CDK6: variants seen among roughly 807,000 people sequenced by gnomAD.
CDK6 encodes the protein cyclin-dependent kinase 6.
In CDK6, 6 loss-of-function variants were observed where a neutral mutation model predicts 37.1. That is an observed-to-expected ratio of 0.16 (90% CI 0.09 to 0.32). The LOEUF (loss-of-function observed/expected upper bound fraction) is 0.32. CDK6 is among the 10% of genes least tolerant of loss of function. The probability of loss-of-function intolerance (pLI) is 1.00; values close to 1 mark genes in which losing one functional copy is unlikely to be tolerated. For synonymous variants in CDK6, 160 were observed against 161.3 expected, an observed-to-expected ratio of 0.99 and a Z score of 0.06; for missense variants, 224 against 418.9, an observed-to-expected ratio of 0.53 and a Z score of 4.06.
At chr7:92,779,222 A>G (rs1799926231) in intron 2 of CDK6, among the ~76,000 whole-genome samples, 1 of 152,114 alleles carries the variant, frequency 6.6e-6, no homozygotes. Flanking sequence ...ATTAAGACTC[A>G]CTGATGCCAC....
chr7:92,761,117 T>C (rs1350173877), intron 3 of CDK6, among the ~76,000 whole-genome samples: 1 of 152,112 alleles, frequency 6.6e-6, no homozygotes, highest in Non-Finnish European at 1.5e-5. Context: ...TATTTTATCA[T>C]TTGCTTTTTA....
In CDK6 at chr7:92,649,270, C is replaced by T. The variant is rs1476376748; in HGVS notation, c.647+22156G>A. Among the ~76,000 whole-genome samples the T allele has an allele frequency of 4.6e-5, 7 of 152,248 alleles. No individual in the cohort carries two copies. In the East Asian group the frequency reaches 9.6e-4, roughly 21 times the overall value. Reference sequence around the variant, plus strand: ...CCATGAAACAGCAGATTGAGAAATGCGTTTGTCAATTGTTAAAAAATGAAG... The same window carrying T: ...CCATGAAACAGCAGATTGAGAAATGTGTTTGTCAATTGTTAAAAAATGAAG... On this transcript the variant is annotated intron_variant, in intron 5 of 7. Coordinates refer to ENST00000424848, the MANE Select transcript of CDK6 (RefSeq NM_001145306.2).
chr7:92,812,865 A>T (rs901562359), intron 2 of CDK6, among the ~76,000 whole-genome samples: 6 of 152,244 alleles, frequency 3.9e-5, no homozygotes, highest in Non-Finnish European at 7.3e-5. Flanking sequence ...CTAAAAACAT[A>T]TATAAAGTTG....
rs1795586082 is a variant in CDK6 at position 92,612,611 on chromosome 7, C to A, written c.*2529G>T. On this transcript the variant is annotated 3_prime_UTR_variant, in exon 8 of 8. Transcript: ENST00000424848. ...TTCTGTGTCATCAGAAGATAATCTG[C>A]CAACGATTGAATGCCAGAATGTTTG... 4.3e-6 allele frequency: 1 copy of A among 232,964 alleles called. No homozygotes were observed. Among genetic ancestry groups the A allele is most frequent in the African/African-American group, 2.2e-5 (1 of 45,332 alleles). 14.4% of individuals were successfully genotyped at this position (232,964 alleles called of 1,614,324 possible).
At position 92,833,603 on chromosome 7, in the gene CDK6, T is replaced by C; in HGVS notation, c.-280A>G. On this transcript the variant is annotated 5_prime_UTR_variant, in exon 2 of 8. Coordinates refer to ENST00000424848, the MANE Select transcript of CDK6 (RefSeq NM_001145306.2). This position sits in a 1 kb window ranked among gnomAD's most constrained non-coding sequence, Gnocchi z 6.1. Reference sequence around the variant, plus strand: ...GCCGCCGGAGGAGCGAGCCGATCCCTCCTCTTCCCTCCTCGAAGCGAAGTC... The same window carrying C: ...GCCGCCGGAGGAGCGAGCCGATCCCCCCTCTTCCCTCCTCGAAGCGAAGTC... 1 of 537,466 alleles carries C rather than the reference T, an allele frequency of 1.9e-6. No individual in the cohort carries two copies. The highest frequency in any genetic ancestry group is 3.2e-6 in the Non-Finnish European group (1 of 310,558). 33.3% of individuals were successfully genotyped at this position (537,466 alleles called of 1,614,324 possible). A position where few individuals can be genotyped will look rare whatever the true frequency, so the allele number is the denominator to read the frequency against.
In CDK6 at chr7:92,798,088, T is replaced by C. The variant is rs866528161; in HGVS notation, c.234-23257A>G. ...GATGACTTGACTTTTCAAGTGAATT[T>C]TGTCAACACTGTTAGAGAATTTTGT... On this transcript the variant is annotated intron_variant, in intron 2 of 7. Transcript: ENST00000424848. 3.9e-5 allele frequency among the ~76,000 whole-genome samples: 6 copies of C among 152,356 alleles called. No individual in the cohort carries two copies. The South Asian group carries it at 8.3e-4, about 21-fold the overall frequency.
At chr7:92,691,533 A>T (rs1302336873) in intron 4 of CDK6, among the ~76,000 whole-genome samples, 4 of 152,226 alleles carry the variant, frequency 2.6e-5, no homozygotes, top group African/African-American at 9.6e-5. Context: ...AGGAATATAA[A>T]ATATTTCTTA....
intron 3 of CDK6, among the ~76,000 whole-genome samples, chr7:92,739,767 A>AT (rs1798874412): frequency 6.6e-6 from 1 of 151,764 alleles, no homozygotes; most frequent in African/African-American, 2.4e-5. Context: ...TTATTTATTT[A>AT]TTTTTTTGAG....
rs978098876 is a variant in CDK6, at chr7:92,784,625, T to C, written c.234-9794A>G. Among the ~76,000 whole-genome samples the C allele has an allele frequency of 5.9e-5, 9 of 152,238 alleles. No individual in the cohort carries two copies. The South Asian group carries it at 1.5e-3, about 25-fold the overall frequency. The stretch of plus-strand genomic sequence containing the variant: ...TGAGAGACCCCAAAACCTGTGGCTT[T>C]TGGTGAGAGGATGGGGTGAGGGGAA... On this transcript the variant is annotated intron_variant, in intron 2 of 7. Coordinates refer to ENST00000424848, the MANE Select transcript of CDK6 (RefSeq NM_001145306.2).
chr7:92,666,850 T>C (rs1796967109), intron 5 of CDK6, among the ~76,000 whole-genome samples: 3 of 152,248 alleles, frequency 2.0e-5, no homozygotes, highest in African/African-American at 2.4e-5. Context: ...ATTTACTATA[T>C]TATACTTTTA....
intron 2 of CDK6, among the ~76,000 whole-genome samples, chr7:92,782,954 C>G (rs1303654610): frequency 6.6e-6 from 1 of 152,188 alleles, no homozygotes; most frequent in Non-Finnish European, 1.5e-5. Flanking sequence ...GTGACTGTCC[C>G]AGTTCTCTGA....
chr7:92,775,789 ATTACT>A lies in CDK6; in HGVS notation c.234-963_234-959del, dbSNP rs144473436. 3.9e-3 allele frequency among the ~76,000 whole-genome samples: 590 copies of A among 152,336 alleles called. 4 individuals are homozygous for A. Among genetic ancestry groups the A allele is most frequent in the African/African-American group, 0.013 (544 of 41,568 alleles). On this transcript the variant is annotated intron_variant, in intron 2 of 7. Transcript: ENST00000424848. ...AAAAAGCTAATAAAATACTATTCAT[ATTACT>A]TTAATTTTTAAAAAAAATTGAATAA... is the stretch of plus-strand genomic sequence containing the variant.
At position 92,834,616 on chromosome 7, in the gene CDK6, G is replaced by A. The variant is rs534325144; in HGVS notation, c.-367-926C>T. The stretch of plus-strand genomic sequence containing the variant: ...TTCAGGAAGGGGATAGCATAATCGC[G>A]CCTCGTCCTTAAGTTTTAAACTGAT... On this transcript the variant is annotated intron_variant, in intron 1 of 7. Coordinates refer to ENST00000424848, the MANE Select transcript of CDK6 (RefSeq NM_001145306.2). This position sits in a 1 kb window ranked among gnomAD's most constrained non-coding sequence, Gnocchi z 4.6. Among the ~76,000 whole-genome samples the A allele has an allele frequency of 9.4e-5, 14 of 148,170 alleles. No homozygotes were observed. Among genetic ancestry groups the A allele is most frequent in the Admixed American group, 8.2e-4 (12 of 14,648 alleles).
At chr7:92,756,968 A>C (rs1216719708) in intron 3 of CDK6, among the ~76,000 whole-genome samples, 1 of 152,160 alleles carries the variant, frequency 6.6e-6, no homozygotes, top group African/African-American at 2.4e-5. Flanking sequence ...CTAACCCAGA[A>C]CTGAAACACA....
chr7:92,816,166 A>G (rs2374589), intron 2 of CDK6, among the ~76,000 whole-genome samples: 20,896 of 152,190 alleles, frequency 0.14, 2,336 homozygotes, highest in African/African-American at 0.3. Context: ...TTGGCATCCA[A>G]TAACACATTA....
intron 5 of CDK6, among the ~76,000 whole-genome samples, chr7:92,636,263 T>C (rs1032342229): frequency 1.9e-4 from 29 of 152,126 alleles, no homozygotes; most frequent in Non-Finnish European, 7.3e-5. Context: ...TTTTGCCATG[T>C]TGCTCAGGCT....
intron 5 of CDK6, among the ~76,000 whole-genome samples, chr7:92,658,440 T>A (rs1796756737): frequency 6.6e-6 from 1 of 152,160 alleles, no homozygotes; most frequent in Admixed American, 6.5e-5. Flanking sequence ...ATGAGTTAAA[T>A]CTCTAGGTAC....
At chr7:92,806,780 T>C (rs1017032488) in intron 2 of CDK6, among the ~76,000 whole-genome samples, 14 of 152,170 alleles carry the variant, frequency 9.2e-5, no homozygotes, top group African/African-American at 3.4e-4. Flanking sequence ...TTCAGAGCAC[T>C]AGACAGAAAG....
intron 3 of CDK6, among the ~76,000 whole-genome samples, chr7:92,769,790 T>G (rs1189826805): frequency 6.6e-6 from 1 of 152,192 alleles, no homozygotes; most frequent in Non-Finnish European, 1.5e-5. Flanking sequence ...GTGAGCAAAT[T>G]TCTTTACAGT....
Sources: gnomAD v4.1 joint callset for allele counts (sites outside exome capture counted in the v4.1 genomes callset) on GRCh38, gnomAD v4.1.1 for gene constraint, Gnocchi (gnomAD v3.1) non-coding constraint, MANE v1.5 for transcripts, NCBI Gene and HGNC (gene_info 2026-07-23, HGNC 2026-07-21) for gene names.